The following PHLDB2 variants were observed in gnomAD, a reference collection of about 807,000 sequenced individuals.
The protein encoded by PHLDB2 is pleckstrin homology-like domain family B member 2.
Under a neutral mutation model 123.6 loss-of-function variants are expected in PHLDB2, and 71 were observed. The observed-to-expected ratio is 0.57, with a 90% CI of 0.47 to 0.70. The LOEUF is 0.70. PHLDB2 is among the 30% of genes least tolerant of loss of function. The pLI, the probability that PHLDB2 is intolerant of heterozygous loss-of-function variation, is 0.00. For synonymous variants in PHLDB2, 547 were observed against 541.6 expected (o/e 1.01, Z -0.14); for missense variants, 1,446 against 1,519.5 (o/e 0.95, Z 0.80).
At chr3:111,766,470 A>T (rs2108030645) in intron 1 of PHLDB2, among the ~76,000 whole-genome samples, 1 of 151,752 alleles carries the variant, frequency 6.6e-6, no homozygotes, top group Admixed American at 6.6e-5. Context: ...GAATCTGATG[A>T]AATCTAAGAA....
chr3:111,790,547 C>T (rs2060873618), intron 1 of PHLDB2, among the ~76,000 whole-genome samples: 1 of 152,188 alleles, frequency 6.6e-6, no homozygotes. Context: ...CAGACTATGA[C>T]AGTGAACTGA....
intron 1 of PHLDB2, among the ~76,000 whole-genome samples, chr3:111,878,888 C>G (rs1015120659): frequency 2.0e-5 from 3 of 152,172 alleles, no homozygotes; most frequent in African/African-American, 7.2e-5. Flanking sequence ...AGCCTTGCAT[C>G]CCAGGGATGA....
At chr3:111,852,425 A>C (rs1285481741) in intron 2 of PHLDB2, among the ~76,000 whole-genome samples, 1 of 149,446 alleles carries the variant, frequency 6.7e-6, no homozygotes, top group Non-Finnish European at 1.5e-5. Context: ...ATCCTTATGT[A>C]TAATTATCTT....
intron 2 of PHLDB2, chr3:111,885,769 A>G: frequency 1.7e-6 from 1 of 593,152 alleles, no homozygotes; most frequent in African/African-American, 1.9e-5. Flanking sequence ...TATTATTTAT[A>G]TCATTAAATT....
rs1176025186 is a variant in PHLDB2, at chr3:111,962,159, A to G, written c.2924A>G (p.Tyr975Cys). Residue 975 changes from tyrosine (Y) to cysteine (C), a missense_variant, in exon 13 of 18, where the codon TAT (tyrosine) becomes TGT (cysteine). Coordinates refer to ENST00000431670, the MANE Select transcript of PHLDB2 (RefSeq NM_001134438.2). ...GGACACAGGCAGAAATCTGAATTTT[A>G]TAACCGCACAGCATCTGAATCAAAT... The part of the protein sequence containing the change: ...SEGHRQKSEF[Y>C]NRTASESNVY... The G allele has an allele frequency of 6.3e-7, 1 of 1,584,184 alleles. No homozygotes were observed. The highest frequency in any genetic ancestry group is 8.5e-7 in the Non-Finnish European group (1 of 1,171,806).
intron 1 of PHLDB2, among the ~76,000 whole-genome samples, chr3:111,814,861 A>C (rs575211032): frequency 6.6e-6 from 1 of 152,276 alleles, no homozygotes; most frequent in Admixed American, 6.5e-5. Flanking sequence ...AGTCTTACAA[A>C]AGTGATAATA....
intron 6 of PHLDB2, among the ~76,000 whole-genome samples, chr3:111,936,848 A>G (rs1382189492): frequency 6.6e-6 from 1 of 152,184 alleles, no homozygotes; most frequent in East Asian, 1.9e-4. Flanking sequence ...CTTAATTGGA[A>G]GACCTTATAA....
intron 12 of PHLDB2, among the ~76,000 whole-genome samples, chr3:111,959,205 T>G (rs766034423): frequency 2.0e-5 from 3 of 152,240 alleles, no homozygotes; most frequent in African/African-American, 7.2e-5. Context: ...CAAAATGAGC[T>G]CTTTGGAATC....
chr3:111,880,243 T>C (rs1395341003), intron 1 of PHLDB2, among the ~76,000 whole-genome samples: 1 of 152,104 alleles, frequency 6.6e-6, no homozygotes, highest in Non-Finnish European at 1.5e-5. Context: ...GTGCTTTCCA[T>C]AGGGTACCAT....
intron 2 of PHLDB2, among the ~76,000 whole-genome samples, chr3:111,851,454 GAA>G (rs1410802195): frequency 6.6e-6 from 1 of 151,976 alleles, no homozygotes; most frequent in Non-Finnish European, 1.5e-5. Flanking sequence ...TCATAACTCT[GAA>G]AAAGGAAAAG....
chr3:111,853,099 T>C (rs535932706), intron 2 of PHLDB2, among the ~76,000 whole-genome samples: 1 of 152,274 alleles, frequency 6.6e-6, no homozygotes, highest in African/African-American at 2.4e-5. Flanking sequence ...ATACTTTATC[T>C]ATTTAAATAT....
At chr3:111,834,225 TA>T in intron 1 of PHLDB2, among the ~76,000 whole-genome samples, 1 of 97,190 alleles carries the variant, frequency 1.0e-5, no homozygotes. Flanking sequence ...GAATTATATA[TA>T]TATTATGTAT....
rs749456988 is a variant in PHLDB2 at position 111,875,158 on chromosome 3, GT to G, written c.-14-8897del. 4.2e-3 allele frequency among the ~76,000 whole-genome samples: 633 copies of G among 149,802 alleles called. 11 individuals are homozygous for G. Among genetic ancestry groups the G allele is most frequent in the East Asian group, 1.0e-2 (51 of 5,110 alleles). The stretch of plus-strand genomic sequence containing the variant: ...ATATTAAATTAGTCTGATCAAGACT[GT>G]TTTTTTTTGCAATGGAGTTTTGCTT... On this transcript the variant is annotated intron_variant, in intron 1 of 17. Transcript: ENST00000431670.
chr3:111,868,901 A>G (rs910108793), intron 1 of PHLDB2, among the ~76,000 whole-genome samples: 11 of 152,228 alleles, frequency 7.2e-5, no homozygotes, highest in African/African-American at 2.4e-4. Flanking sequence ...TGCAGAGTCT[A>G]AAGAATATTT....
At chr3:111,964,707 A>G (rs1415253325) in intron 13 of PHLDB2, among the ~76,000 whole-genome samples, 4 of 152,210 alleles carry the variant, frequency 2.6e-5, no homozygotes, top group Non-Finnish European at 5.9e-5. Context: ...CCATAAATAT[A>G]TGCAAATTTA....
At chr3:111,831,389 A>T (rs1323889708) in intron 1 of PHLDB2, among the ~76,000 whole-genome samples, 1 of 152,204 alleles carries the variant, frequency 6.6e-6, no homozygotes, top group Admixed American at 6.5e-5. Flanking sequence ...TGCCCAAAGC[A>T]TTTTAAAGTA....
rs2067999181 is a variant in PHLDB2 at position 111,913,345 on chromosome 3, C to T, written c.1362C>T (p.Leu454=). The change falls in exon 3 of 18, where the codon CTC becomes CTT. Residue 454 remains leucine, a synonymous_variant. Transcript: ENST00000431670. ...AGAGACAGCGTCTGGAGACCATCCT[C>T]AGTCTCTGTGCTGAATACACAAAGC... ...RLERQRLETI[L]SLCAEYTKPD... is the part of the protein sequence containing the mutation. 1.2e-6 allele frequency: 2 copies of T among 1,606,834 alleles called. No individual in the cohort carries two copies. The highest frequency in any genetic ancestry group is 8.5e-7 in the Non-Finnish European group (1 of 1,176,810).
intron 13 of PHLDB2, among the ~76,000 whole-genome samples, chr3:111,964,250 G>C (rs1157371520): frequency 6.6e-6 from 1 of 151,834 alleles, no homozygotes; most frequent in Non-Finnish European, 1.5e-5. Context: ...TCCTGCAATA[G>C]TGCTATCATA....
At chr3:111,869,477 AAAAG>A (rs1322219057) in intron 1 of PHLDB2, among the ~76,000 whole-genome samples, 12 of 152,022 alleles carry the variant, frequency 7.9e-5, no homozygotes, top group African/African-American at 2.9e-4. Context: ...AAAAAAAAGG[AAAAG>A]AAAGAAAAAG....
Sources: allele counts gnomAD v4.1 joint callset (sites outside exome capture counted in the v4.1 genomes callset), GRCh38; gene constraint gnomAD v4.1.1; transcripts MANE v1.5; gene names NCBI Gene and HGNC (gene_info 2026-07-23, HGNC 2026-07-21).